DOP1B: variants seen among roughly 807,000 people sequenced by gnomAD.
DOP1B encodes DOP1 leucine zipper like protein B.
In DOP1B, 174 loss-of-function variants were observed where a neutral mutation model predicts 233.5. The observed-to-expected ratio is 0.75, with a 90% confidence interval of 0.66 to 0.85. The LOEUF (loss-of-function observed/expected upper bound fraction) is 0.85, where lower values mean the gene tolerates loss of function less well. DOP1B is among the 40% of genes least tolerant of loss of function. The probability of loss-of-function intolerance (pLI) is 0.00; values close to 1 mark genes in which losing one functional copy is unlikely to be tolerated. For missense variants in DOP1B, 2,652 were observed against 2,846.6 expected, an observed-to-expected ratio of 0.93 and a Z score of 1.56; for synonymous variants, 1,190 against 1,185.6, an observed-to-expected ratio of 1.00 and a Z score of -0.08.
At chr21:36,189,505 C>CA (rs1555887385) in intron 2 of DOP1B, among the ~76,000 whole-genome samples, 2 of 151,682 alleles carry the variant, frequency 1.3e-5, no homozygotes, top group South Asian at 2.1e-4. Context: ...GAGGCCAAGA[C>CA]GGTGGATCAC....
intron 11 of DOP1B, 32 bp from the exon 12 acceptor site, chr21:36,225,533 A>C: frequency 1.1e-5 from 18 of 1,612,924 alleles, no homozygotes; most frequent in Non-Finnish European, 1.5e-5. Context: ...GCCTGGCCAA[A>C]GAATGGATTT....
chr21:36,285,390 C>T (rs928208493), intron 32 of DOP1B, among the ~76,000 whole-genome samples: 3 of 151,616 alleles, frequency 2.0e-5, no homozygotes, highest in Non-Finnish European at 2.9e-5. Context: ...AAATACGCTT[C>T]GTTTTGGATA....
intron 16 of DOP1B, among the ~76,000 whole-genome samples, chr21:36,238,081 C>A (rs2066847177): frequency 6.6e-6 from 1 of 152,188 alleles, no homozygotes; most frequent in African/African-American, 2.4e-5. Context: ...GCAGGAGAAC[C>A]ACTTGAATCT....
Position 36,269,401 on chromosome 21 carries a change from C to T in DOP1B, c.5488-612C>T, listed in dbSNP as rs141613293. ...AACGCCTGACCTCAGGTGATCCGCCCGCCTCAGCCTCCCAAAATGCTGAGA... is the reference window on the plus strand; with the variant it reads ...AACGCCTGACCTCAGGTGATCCGCCTGCCTCAGCCTCCCAAAATGCTGAGA... On this transcript the variant is annotated intron_variant, in intron 26 of 36. Coordinates refer to ENST00000691173, the MANE Select transcript of DOP1B (RefSeq NM_001320714.2). 5.8e-3 allele frequency among the ~76,000 whole-genome samples: 870 copies of T among 151,224 alleles called. 23 individuals carry two copies. The East Asian group carries it at 0.07, about 12-fold the overall frequency.
intron 2 of DOP1B, chr21:36,169,156 C>T: frequency 2.0e-6 from 2 of 982,124 alleles, no homozygotes; most frequent in Admixed American, 3.4e-5. Flanking sequence ...TGAGCACTCG[C>T]TTCTTGGTTC....
In DOP1B at chr21:36,247,511, C is replaced by T. The variant is rs780162673; in HGVS notation, c.4698-6C>T. On this transcript the variant is annotated splice_region_variant and splice_polypyrimidine_tract_variant and intron_variant, in intron 19 of 36. Coordinates refer to ENST00000691173, the MANE Select transcript of DOP1B (RefSeq NM_001320714.2). The stretch of plus-strand genomic sequence containing the variant: ...CTCAAACCAGTTTCTCTTTTCTTCA[C>T]CACAGCACAACCTCCAAGAGGGAAA... 2 of 1,586,550 alleles carry T rather than the reference C, an allele frequency of 1.3e-6. No homozygotes were observed. Among genetic ancestry groups the T allele is most frequent in the South Asian group, 2.3e-5 (2 of 85,108 alleles).
intron 19 of DOP1B, among the ~76,000 whole-genome samples, chr21:36,247,080 G>A (rs13046177): frequency 0.14 from 21,485 of 151,944 alleles, 1,623 homozygotes; most frequent in South Asian, 0.26. Context: ...GGGTTTCACC[G>A]TGTTGCCCAT....
intron 22 of DOP1B, among the ~76,000 whole-genome samples, chr21:36,251,754 G>C (rs1263659555): frequency 6.6e-6 from 1 of 152,178 alleles, no homozygotes. Context: ...AGATAATATA[G>C]CTGTGTCTCA....
intron 31 of DOP1B, among the ~76,000 whole-genome samples, chr21:36,281,133 A>T (rs1381839589): frequency 1.3e-5 from 2 of 151,858 alleles, no homozygotes; most frequent in South Asian, 4.2e-4. Flanking sequence ...GCGAAACCCC[A>T]TCTCTACAAA....
intron 30 of DOP1B, 62 bp from the exon 31 acceptor site, chr21:36,280,223 T>C: frequency 5.8e-6 from 7 of 1,216,236 alleles, no homozygotes; most frequent in Non-Finnish European, 8.4e-6. Flanking sequence ...ATTTTCTTAA[T>C]GTTTTGAATC....
At chr21:36,247,755 C>A in intron 20 of DOP1B, 127 bp downstream of exon 20, 1 of 633,784 alleles carries the variant, frequency 1.6e-6, no homozygotes, top group Non-Finnish European at 2.6e-6. Flanking sequence ...GGAGGTGATG[C>A]AAATGTGAAT....
At chr21:36,277,212 G>A in intron 28 of DOP1B, 112 bp downstream of exon 28, 1 of 1,034,874 alleles carries the variant, frequency 9.7e-7, no homozygotes, top group South Asian at 1.5e-5. Flanking sequence ...CACCCTCCCA[G>A]GTGAGCTCGT....
rs148850314 is a variant in DOP1B at position 36,288,018 on chromosome 21, C to T, written c.6165C>T (p.Arg2055=). The change falls in exon 33 of 37, where the codon CGC becomes CGT. Residue 2055 remains arginine (R), a synonymous_variant. Coordinates refer to ENST00000691173, the MANE Select transcript of DOP1B (RefSeq NM_001320714.2). Reference sequence around the variant, plus strand: ...TTTACAATCTTCTTTCCTTAGAACGCCTGACAGACAATCTCAGAGTTGGAC... The same window carrying T: ...TTTACAATCTTCTTTCCTTAGAACGTCTGACAGACAATCTCAGAGTTGGAC... ...YHLYLPLIQE[R]LTDNLRVGQT... The T allele has an allele frequency of 8.9e-4, 1,431 of 1,613,048 alleles. 1 individual carries two copies. The highest frequency in any genetic ancestry group is 1.3e-3 in the Middle Eastern group (8 of 6,056).
At chr21:36,290,382 C>T (rs1357261665) in intron 35 of DOP1B, among the ~76,000 whole-genome samples, 1 of 152,080 alleles carries the variant, frequency 6.6e-6, no homozygotes, top group African/African-American at 2.4e-5. Flanking sequence ...AAAATTAGGC[C>T]AGGTACCGTG....
At chr21:36,241,460 T>C (rs1206650863) in intron 18 of DOP1B, among the ~76,000 whole-genome samples, 2 of 151,456 alleles carry the variant, frequency 1.3e-5, no homozygotes, top group African/African-American at 4.8e-5. Context: ...AATGTCTGTA[T>C]TTAGCCAGTT....
chr21:36,255,805 G>T (rs2067089383), intron 23 of DOP1B, among the ~76,000 whole-genome samples: 1 of 150,160 alleles, frequency 6.7e-6, no homozygotes, highest in African/African-American at 2.4e-5. Context: ...AGAAAGAGGA[G>T]ATTTCATCTG....
At chr21:36,166,671 C>G (rs2065914099) in intron 2 of DOP1B, among the ~76,000 whole-genome samples, 1 of 152,102 alleles carries the variant, frequency 6.6e-6, no homozygotes, top group South Asian at 2.1e-4. Flanking sequence ...CAGACAGGAC[C>G]TGAGTTTGGA....
intron 27 of DOP1B, among the ~76,000 whole-genome samples, chr21:36,271,392 GC>G (rs1200833209): frequency 6.6e-6 from 1 of 151,892 alleles, no homozygotes; most frequent in Non-Finnish European, 1.5e-5. Flanking sequence ...TCCTGCCTCA[GC>G]CTCCCGAATA....
chr21:36,200,226 T>C, intron 3 of DOP1B, 105 bp from the exon 4 acceptor site: 1 of 1,423,308 alleles, frequency 7.0e-7, no homozygotes, highest in Non-Finnish European at 9.4e-7. Flanking sequence ...GCAGTTTAAA[T>C]GGCCAGCTGT....
Sources: gnomAD v4.1 joint callset for allele counts (sites outside exome capture counted in the v4.1 genomes callset) on GRCh38, gnomAD v4.1.1 for gene constraint, MANE v1.5 for transcripts, NCBI Gene and HGNC (gene_info 2026-07-23, HGNC 2026-07-21) for gene names.